The following MFAP3L variants were observed in gnomAD, a reference collection of about 807,000 sequenced individuals.
MFAP3L encodes the protein microfibrillar-associated protein 3-like.
A neutral mutation model predicts 20.0 loss-of-function variants in MFAP3L; 5 were observed. The ratio of observed to expected loss-of-function variants is 0.25; its 90% CI spans 0.13 to 0.53. The LOEUF (loss-of-function observed/expected upper bound fraction) is 0.53, where lower values mean the gene tolerates loss of function less well. Ranked by LOEUF, MFAP3L falls within the 20% of genes least tolerant of loss-of-function variation. The pLI is 0.96. For missense variants in MFAP3L, 409 were observed against 527.5 expected, an observed-to-expected ratio of 0.78 and a Z score of 2.20; for synonymous variants, 219 against 213.0, an observed-to-expected ratio of 1.03 and a Z score of -0.25.
upstream of MFAP3L, chr4:170,027,145 A>G (rs1385230017): frequency 1.3e-5 from 2 of 152,006 alleles, no homozygotes; most frequent in Non-Finnish European, 2.9e-5. Flanking sequence ...AGAGTACTCT[A>G]AAATTATTAA....
At position 169,991,306 on chromosome 4, in the gene MFAP3L, G is replaced by A. The variant is rs1737644226; in HGVS notation, c.*72C>T. ...GTCTCCTGGTAAGGCTTAGCGGCAA[G>A]TGCGTACTACATCTGTATTACAAGG... On this transcript the variant is annotated 3_prime_UTR_variant, in exon 3 of 3. Coordinates refer to ENST00000361618, the MANE Select transcript of MFAP3L (RefSeq NM_021647.8). The surrounding 1 kb of genome is among the most constrained non-coding windows in gnomAD (Gnocchi z 4.9). 14 of 1,467,130 alleles carry A rather than the reference G, an allele frequency of 9.5e-6. 2 individuals carry two copies. In the South Asian group the frequency reaches 1.7e-4, roughly 18 times the overall value. The allele number at this position is 1,467,130 out of a possible 1,614,324, so 90.9% of individuals were successfully genotyped here.
At chr4:170,027,219 CCTT>C (rs1730507670), upstream of MFAP3L, 1 of 124,958 alleles carries the variant, frequency 8.0e-6, no homozygotes, top group Non-Finnish European at 1.7e-5. Context: ...TCCTTATCTC[CCTT>C]TTTTTTTTTT....
intron 1 of MFAP3L, among the ~76,000 whole-genome samples, chr4:170,015,479 A>G (rs1236552703): frequency 6.6e-6 from 1 of 152,234 alleles, no homozygotes; most frequent in Non-Finnish European, 1.5e-5. Context: ...GTGACTTGGC[A>G]GATGGCCACA....
In MFAP3L at chr4:169,988,956, T is replaced by C. The variant is rs1349422851; in HGVS notation, c.*2422A>G. The C allele has an allele frequency of 1.3e-5, 2 of 152,174 alleles. No homozygotes were observed. The highest frequency in any genetic ancestry group is 2.9e-5 in the Non-Finnish European group (2 of 68,028). 9.4% of individuals were successfully genotyped at this position (152,174 alleles called of 1,614,324 possible). On this transcript the variant is annotated 3_prime_UTR_variant, in exon 3 of 3. Transcript: ENST00000361618. ...CTATTCAATGTCTAGGTGGAATGGA[T>C]GCCTTCTCCTTTCCATGTGGAAACC...
At chr4:170,025,754 C>G (rs1051699261) in intron 1 of MFAP3L, among the ~76,000 whole-genome samples, 3 of 152,258 alleles carry the variant, frequency 2.0e-5, no homozygotes, top group Non-Finnish European at 4.4e-5. Context: ...ACTCCTGCGG[C>G]ATCAGGACAC....
intron 1 of MFAP3L, chr4:170,007,115 C>G (rs1400121762): frequency 6.6e-6 from 1 of 152,158 alleles, no homozygotes; most frequent in Non-Finnish European, 1.5e-5. Context: ...GAAGGGGTAC[C>G]TGGTGATGAT....
chr4:170,001,712 T>G (rs577538602), intron 2 of MFAP3L, among the ~76,000 whole-genome samples: 5 of 152,332 alleles, frequency 3.3e-5, no homozygotes, highest in Middle Eastern at 3.4e-3. Context: ...AAACAGTATA[T>G]TTCGTGGCCA....
chr4:170,023,977 C>T (rs950099667), intron 1 of MFAP3L, among the ~76,000 whole-genome samples: 1 of 151,658 alleles, frequency 6.6e-6, no homozygotes, highest in Admixed American at 6.6e-5. Flanking sequence ...ATGTCACCAA[C>T]AACATCATAC....
intron 1 of MFAP3L, among the ~76,000 whole-genome samples, chr4:170,022,624 G>T (rs765017381): frequency 1.3e-5 from 2 of 152,116 alleles, no homozygotes; most frequent in Non-Finnish European, 2.9e-5. Flanking sequence ...GTTCAAACAG[G>T]TCTTAACGAG....
At chr4:170,013,610 C>T (rs543978454) in intron 1 of MFAP3L, among the ~76,000 whole-genome samples, 14 of 152,244 alleles carry the variant, frequency 9.2e-5, no homozygotes, top group African/African-American at 3.1e-4. Context: ...AATAAAAAGA[C>T]CATGACTGCT....
chr4:169,992,703 C>G lies in MFAP3L; in HGVS notation c.299-394G>C, dbSNP rs1192896048. Among the ~76,000 whole-genome samples, 1 of 152,222 alleles carries G rather than the reference C, an allele frequency of 6.6e-6. No homozygotes were observed. The highest frequency in any genetic ancestry group is 1.9e-4 in the East Asian group (1 of 5,198). ...AAAATGAGAGAAACAATCTGGAAAA[C>G]ACTGTGCTCTTATTGAAGAGTTCCT... is the stretch of plus-strand genomic sequence containing the variant. On this transcript the variant is annotated intron_variant, in intron 2 of 2. Coordinates refer to ENST00000361618, the MANE Select transcript of MFAP3L (RefSeq NM_021647.8). This position sits in a 1 kb window ranked among gnomAD's most constrained non-coding sequence, Gnocchi z 4.3.
chr4:170,021,677 T>C (rs1740045890), intron 1 of MFAP3L, among the ~76,000 whole-genome samples: 1 of 152,238 alleles, frequency 6.6e-6, no homozygotes. Flanking sequence ...CAGTTTAGGT[T>C]TTCTGGACAC....
Position 169,992,710 on chromosome 4 carries a change from C to CTCT in MFAP3L, c.299-404_299-402dup, listed in dbSNP as rs1431407266. ...GAGAAACAATCTGGAAAACACTGTG[C>CTCT]TCTTATTGAAGAGTTCCTTAACTTT... On this transcript the variant is annotated intron_variant, in intron 2 of 2. Transcript: ENST00000361618. This position sits in a 1 kb window ranked among gnomAD's most constrained non-coding sequence, Gnocchi z 4.3. Among the ~76,000 whole-genome samples the CTCT allele has an allele frequency of 1.3e-5, 2 of 152,216 alleles. No individual in the cohort carries two copies. The highest frequency in any genetic ancestry group is 6.5e-5 in the Admixed American group (1 of 15,278).
At chr4:170,008,578 C>G (rs1010999719) in intron 1 of MFAP3L, among the ~76,000 whole-genome samples, 10 of 152,168 alleles carry the variant, frequency 6.6e-5, no homozygotes, top group Admixed American at 4.6e-4. Flanking sequence ...TCTCTAGGTG[C>G]TATGGGCTTG....
At chr4:169,994,234 G>C (rs1443314827) in intron 2 of MFAP3L, 1 of 985,260 alleles carries the variant, frequency 1.0e-6, no homozygotes, top group Non-Finnish European at 1.2e-6. Flanking sequence ...AAATAGAGTG[G>C]AGGAGGGTGA....
intron 2 of MFAP3L, among the ~76,000 whole-genome samples, chr4:170,002,863 C>T (rs1467885947): frequency 2.0e-5 from 3 of 150,246 alleles, no homozygotes; most frequent in Non-Finnish European, 3.0e-5. Flanking sequence ...AAACAAAAAA[C>T]AAAACACAAA....
intron 1 of MFAP3L, among the ~76,000 whole-genome samples, chr4:170,019,456 A>C (rs1015315244): frequency 5.9e-5 from 9 of 152,166 alleles, no homozygotes; most frequent in African/African-American, 1.9e-4. Context: ...AGGTAGGAGG[A>C]TCACCTGAGC....
At chr4:170,015,699 AT>A (rs543827276) in intron 1 of MFAP3L, among the ~76,000 whole-genome samples, 88 of 152,280 alleles carry the variant, frequency 5.8e-4, no homozygotes, top group Non-Finnish European at 2.6e-4. Context: ...AGGACTTCCT[AT>A]ATGGAAGACG....
intron 1 of MFAP3L, among the ~76,000 whole-genome samples, chr4:170,014,384 A>C (rs1458386837): frequency 1.3e-5 from 2 of 152,206 alleles, no homozygotes; most frequent in African/African-American, 4.8e-5. Flanking sequence ...CTACATTCAG[A>C]GTGAAACCAG....
Sources: allele counts gnomAD v4.1 joint callset (sites outside exome capture counted in the v4.1 genomes callset), GRCh38; gene constraint gnomAD v4.1.1; non-coding constraint Gnocchi (gnomAD v3.1); transcripts MANE v1.5; gene names NCBI Gene and HGNC (gene_info 2026-07-23, HGNC 2026-07-21).